The following GRHL2 variants were observed in gnomAD, a reference collection of about 807,000 sequenced individuals.
GRHL2 encodes the protein grainyhead like transcription factor 2.
In GRHL2, 21 loss-of-function variants were observed where a neutral mutation model predicts 83.8. That is an observed-to-expected ratio of 0.25 (90% CI 0.18 to 0.36). GRHL2 has a LOEUF of 0.36. GRHL2 is among the 10% of genes least tolerant of loss of function. The probability of loss-of-function intolerance (pLI) is 1.00; values close to 1 mark genes in which losing one functional copy is unlikely to be tolerated. For missense variants in GRHL2, 623 were observed against 781.8 expected, an observed-to-expected ratio of 0.80 and a Z score of 2.42; for synonymous variants, 280 against 278.9, an observed-to-expected ratio of 1.00 and a Z score of -0.04.
the GRHL2 span, among the ~76,000 whole-genome samples, chr8:101,679,243 G>GCTGAAAACCAAGGCT: frequency 4.8e-5 from 7 of 146,972 alleles, no homozygotes; most frequent in Non-Finnish European, 9.0e-5. Flanking sequence ...AGCTGATGGA[G>GCTGAAAACCAAGGCT]CTGAAAACCA....
intron 8 of GRHL2, among the ~76,000 whole-genome samples, chr8:101,610,336 G>A (rs1229220592): frequency 2.0e-5 from 3 of 150,980 alleles, no homozygotes; most frequent in Non-Finnish European, 4.4e-5. Flanking sequence ...CCCAGGGAGA[G>A]AATCCAGCTG....
At chr8:101,564,316 A>AG (rs1195195710) in intron 4 of GRHL2, among the ~76,000 whole-genome samples, 1 of 152,192 alleles carries the variant, frequency 6.6e-6, no homozygotes, top group Non-Finnish European at 1.5e-5. Flanking sequence ...ATTAAGGAAA[A>AG]TTTGTCTAAA....
chr8:101,586,348 C>A (rs1047386527), intron 7 of GRHL2, among the ~76,000 whole-genome samples: 1 of 152,066 alleles, frequency 6.6e-6, no homozygotes, highest in Non-Finnish European at 1.5e-5. Flanking sequence ...TCTTTTCACC[C>A]TTCACTATTT....
chr8:101,666,611 A>G lies in GRHL2; in HGVS notation c.1786A>G (p.Asn596Asp), dbSNP rs1435717250. 1.2e-6 allele frequency: 2 copies of G among 1,611,164 alleles called. No individual in the cohort carries two copies. The highest frequency in any genetic ancestry group is 1.7e-6 in the Non-Finnish European group (2 of 1,177,480). ...CAGCATCTTGGTGAACATGGATGAC[A>G]ACATCATCGAGCACTACTCGAACGA... ...KKGILVNMDD[N>D]IIEHYSNEDT... Residue 596 changes from asparagine (N) to aspartate (D), a missense_variant, in exon 16 of 16, where the codon AAC becomes GAC. Around this residue, in one of 8 missense-constraint regions of GRHL2, gnomAD observed 210 missense variants for 254.8 expected, o/e 0.82. Coordinates refer to ENST00000646743, the MANE Select transcript of GRHL2 (RefSeq NM_024915.4).
At chr8:101,616,141 C>G (rs939468853) in intron 8 of GRHL2, among the ~76,000 whole-genome samples, 1 of 127,490 alleles carries the variant, frequency 7.8e-6, no homozygotes, top group Middle Eastern at 4.1e-3. Flanking sequence ...TTCTTTCTTT[C>G]TTTCTCTCTC....
intron 14 of GRHL2, among the ~76,000 whole-genome samples, chr8:101,653,813 G>A (rs1813727054): frequency 2.0e-5 from 3 of 152,002 alleles, no homozygotes; most frequent in Non-Finnish European, 4.4e-5. Flanking sequence ...GATTCTATAG[G>A]GGTAGGCCCG....
intron 4 of GRHL2, among the ~76,000 whole-genome samples, chr8:101,568,290 G>A (rs1378541160): frequency 6.6e-6 from 1 of 152,226 alleles, no homozygotes; most frequent in Non-Finnish European, 1.5e-5. Context: ...TAAATAACCA[G>A]GCAAGGCCTG....
chr8:101,580,652 A>G (rs1415667784), intron 7 of GRHL2, among the ~76,000 whole-genome samples: 1 of 152,220 alleles, frequency 6.6e-6, no homozygotes, highest in African/African-American at 2.4e-5. Flanking sequence ...GTGGGATAGA[A>G]ACCCAAGAAT....
chr8:101,523,607 C>T (rs1176853479), intron 1 of GRHL2, among the ~76,000 whole-genome samples: 1 of 151,808 alleles, frequency 6.6e-6, no homozygotes, highest in African/African-American at 2.4e-5. Context: ...TCCCAAGTAG[C>T]TGGGACTACA....
intron 14 of GRHL2, among the ~76,000 whole-genome samples, chr8:101,656,060 T>C (rs1044997331): frequency 6.6e-6 from 1 of 152,202 alleles, no homozygotes; most frequent in Non-Finnish European, 1.5e-5. Context: ...AGATGGGCCT[T>C]CCCAGCCCAC....
chr8:101,523,477 GT>G (rs11293156), intron 1 of GRHL2, among the ~76,000 whole-genome samples: 139,694 of 145,602 alleles, frequency 0.96, 66,977 homozygotes, highest in Admixed American at 0.97. Flanking sequence ...TCCACTGAAA[GT>G]TTTTTTTTTT....
intron 2 of GRHL2, 143 bp from the exon 3 acceptor site, chr8:101,552,572 A>T: frequency 1.3e-6 from 1 of 741,370 alleles, no homozygotes; most frequent in South Asian, 1.5e-5. Context: ...ACTAGCCTTT[A>T]TCATCTCCTG....
chr8:101,666,426 C>CAGAA lies in GRHL2; in HGVS notation c.1764-162_1764-159dup, dbSNP rs150907703. ...CAAACTAGTTTTTGGGCAAAGAAAA[C>CAGAA]AGAATGAGGGTCTTTCCCTGCCTTG... On this transcript the variant is annotated intron_variant, in intron 15 of 15. Coordinates refer to ENST00000646743, the MANE Select transcript of GRHL2 (RefSeq NM_024915.4). 3.8e-3 allele frequency among the ~76,000 whole-genome samples: 577 copies of CAGAA among 152,232 alleles called. 9 individuals are homozygous for CAGAA. In the East Asian group the frequency reaches 0.057, roughly 15 times the overall value.
intron 1 of GRHL2, among the ~76,000 whole-genome samples, chr8:101,515,486 T>C (rs1339555302): frequency 6.6e-6 from 1 of 152,238 alleles, no homozygotes; most frequent in Non-Finnish European, 1.5e-5. Flanking sequence ...ATGTCTCTCC[T>C]GCCATTTCTG....
chr8:101,532,738 AG>A (rs1358245512), intron 1 of GRHL2, among the ~76,000 whole-genome samples: 1 of 150,342 alleles, frequency 6.7e-6, no homozygotes, highest in Non-Finnish European at 1.5e-5. Flanking sequence ...TGGGGGACAG[AG>A]CGAGACTCCA....
intron 1 of GRHL2, among the ~76,000 whole-genome samples, chr8:101,501,965 C>T (rs1020472408): frequency 1.3e-5 from 2 of 151,824 alleles, no homozygotes; most frequent in African/African-American, 2.4e-5. Context: ...TGTGAAATAC[C>T]TGGTTAAGAT....
At chr8:101,572,257 T>C (rs773860842) in intron 5 of GRHL2, among the ~76,000 whole-genome samples, 5 of 152,192 alleles carry the variant, frequency 3.3e-5, no homozygotes, top group African/African-American at 1.2e-4. Flanking sequence ...TCAATGGTAC[T>C]GTGTTGAAAT....
chr8:101,555,039 T>G (rs1304793912), intron 3 of GRHL2, among the ~76,000 whole-genome samples: 1 of 152,260 alleles, frequency 6.6e-6, no homozygotes, highest in Non-Finnish European at 1.5e-5. Flanking sequence ...ATTTGTTTAT[T>G]AGGACACCAA....
chr8:101,511,083 A>G (rs1810454655), intron 1 of GRHL2, among the ~76,000 whole-genome samples: 1 of 151,280 alleles, frequency 6.6e-6, no homozygotes, highest in Non-Finnish European at 1.5e-5. Context: ...CCTGGGCAAC[A>G]GAACAAGACT....
Sources: allele counts gnomAD v4.1 joint callset (sites outside exome capture counted in the v4.1 genomes callset), GRCh38; gene constraint gnomAD v4.1.1; regional missense constraint gnomAD v4.1.1; transcripts MANE v1.5; gene names NCBI Gene and HGNC (gene_info 2026-07-23, HGNC 2026-07-21).